The following GPBP1L1 variants were observed in gnomAD, a reference collection of about 807,000 sequenced individuals.
GPBP1L1 encodes the protein GC-rich promoter binding protein 1 like 1.
In GPBP1L1, 23 loss-of-function variants were observed where a neutral mutation model predicts 52.5. The observed-to-expected ratio is 0.44, with a 90% CI of 0.32 to 0.62. The LOEUF (loss-of-function observed/expected upper bound fraction) is 0.62. GPBP1L1 is among the 20% of genes least tolerant of loss of function. The pLI is 0.06. For missense variants in GPBP1L1, 596 were observed against 579.3 expected (o/e 1.03, Z -0.30); for synonymous variants, 243 against 203.1 (o/e 1.20, Z -1.67).
rs201166786 is a variant in GPBP1L1 at position 45,654,668 on chromosome 1, G to A, written c.352C>T (p.Arg118Cys). The A allele has an allele frequency of 6.8e-6, 11 of 1,614,024 alleles. No homozygotes were observed. Among genetic ancestry groups the A allele is most frequent in the African/African-American group, 5.3e-5 (4 of 74,898 alleles). The change falls in exon 6 of 13, where the codon CGC (arginine) becomes TGC (cysteine). Residue 118 changes from arginine (R) to cysteine (C), a missense_variant. By Grantham distance (180) the Arg-to-Cys change is radical. Transcript: ENST00000355105. ...QRSGGGTGNH[R>C]HWNGSFHSRK... The stretch of plus-strand genomic sequence containing the variant: ...GAGTGGAAGCTGCCATTCCAATGGC[G>A]ATGGTTCCCTGTGCCACCTCCACTA...
At chr1:45,680,558 T>TAA in intron 2 of GPBP1L1, among the ~76,000 whole-genome samples, 2 of 151,600 alleles carry the variant, frequency 1.3e-5, no homozygotes, top group South Asian at 2.1e-4. Context: ...TTTTTTTTTT[T>TAA]AAAAAGAATC....
chr1:45,682,599 A>G (rs1645224299), intron 2 of GPBP1L1, among the ~76,000 whole-genome samples: 1 of 152,224 alleles, frequency 6.6e-6, no homozygotes, highest in Admixed American at 6.5e-5. Context: ...ATGGTCATCT[A>G]GATACTCCCA....
intron 2 of GPBP1L1, among the ~76,000 whole-genome samples, chr1:45,683,888 C>A (rs1645244296): frequency 6.6e-6 from 1 of 151,976 alleles, no homozygotes. Flanking sequence ...TGCCACCGCA[C>A]TCCAATCTGG....
chr1:45,647,080 T>C (rs11211151), intron 6 of GPBP1L1, among the ~76,000 whole-genome samples: 42,985 of 151,010 alleles, frequency 0.28, 6,271 homozygotes, highest in South Asian at 0.37. Context: ...TTTCTGAAAT[T>C]TTTTATTATT....
Position 45,633,489 on chromosome 1 carries a change from A to G in GPBP1L1, c.1044T>C (p.Asp348=). 1 of 1,613,672 alleles carries G rather than the reference A, an allele frequency of 6.2e-7. No homozygotes were observed. Among genetic ancestry groups the G allele is most frequent in the Non-Finnish European group, 8.5e-7 (1 of 1,179,896 alleles). ...CCCCAGAAAAGGCGGATGCTCTTACATCTTCCAGCTTGTCACAGTCTCTAT... is the reference window on the plus strand; with the variant it reads ...CCCCAGAAAAGGCGGATGCTCTTACGTCTTCCAGCTTGTCACAGTCTCTAT... ...SENRDCDKLE[D]LEDNSTPEPK... The change falls in exon 10 of 13, where the codon GAT becomes GAC. Residue 348 remains aspartate, a splice_region_variant and synonymous_variant. Transcript: ENST00000355105.
chr1:45,668,348 T>C (rs984324703), intron 2 of GPBP1L1, among the ~76,000 whole-genome samples: 11 of 152,194 alleles, frequency 7.2e-5, no homozygotes, highest in Admixed American at 2.0e-4. Flanking sequence ...TAAATTAAAT[T>C]GCACACTTAA....
At chr1:45,651,138 G>GT (rs1644814437) in intron 6 of GPBP1L1, 1 of 500,116 alleles carries the variant, frequency 2.0e-6, no homozygotes, top group Admixed American at 2.1e-5. Context: ...AGATCTCATC[G>GT]TATCTGTCAT....
intron 6 of GPBP1L1, among the ~76,000 whole-genome samples, chr1:45,653,958 C>T (rs1644852320): frequency 6.6e-6 from 1 of 151,954 alleles, no homozygotes; most frequent in African/African-American, 2.4e-5. Context: ...CTCGGCTTCC[C>T]AAAGTGCTCA....
intron 8 of GPBP1L1, 110 bp from the exon 9 acceptor site, chr1:45,634,346 G>A: frequency 9.0e-7 from 1 of 1,111,006 alleles, no homozygotes; most frequent in Non-Finnish European, 1.2e-6. Flanking sequence ...TAAGTTTCCA[G>A]GGCTTACCTG....
intron 4 of GPBP1L1, chr1:45,656,078 G>C (rs1644881376): frequency 6.6e-6 from 1 of 152,028 alleles, no homozygotes; most frequent in Non-Finnish European, 1.5e-5. Context: ...AACTACTAGA[G>C]TTTTTACAGT....
chr1:45,630,072 T>A (rs1644510739), intron 11 of GPBP1L1, among the ~76,000 whole-genome samples: 1 of 151,688 alleles, frequency 6.6e-6, no homozygotes, highest in Admixed American at 6.6e-5. Flanking sequence ...CGTCCCAGCC[T>A]CCCTAGTAGC....
At chr1:45,666,890 T>C (rs188987450) in intron 2 of GPBP1L1, among the ~76,000 whole-genome samples, 73 of 152,302 alleles carry the variant, frequency 4.8e-4, no homozygotes, top group African/African-American at 1.6e-3. Flanking sequence ...AGTACTGATA[T>C]AAGCTACAAC....
rs529575558 is a variant in GPBP1L1, at chr1:45,669,029, T to G, written c.-1097-7804A>C. ...TTCTCCATCTGTCATTGATACACCA[T>G]TTTAATTCTGTCAAAAGCATAATTT... On this transcript the variant is annotated intron_variant, in intron 2 of 12. Coordinates refer to ENST00000355105, the MANE Select transcript of GPBP1L1 (RefSeq NM_021639.5). Among the ~76,000 whole-genome samples the G allele has an allele frequency of 5.9e-5, 9 of 152,342 alleles. No individual in the cohort carries two copies. The South Asian group carries it at 1.9e-3, about 32-fold the overall frequency.
intron 2 of GPBP1L1, among the ~76,000 whole-genome samples, chr1:45,664,091 G>A (rs1398401857): frequency 6.6e-6 from 1 of 152,086 alleles, no homozygotes; most frequent in African/African-American, 2.4e-5. Flanking sequence ...CCAGCACTTT[G>A]GGAGGCCGAG....
At chr1:45,658,823 G>GTA (rs1302919922) in intron 4 of GPBP1L1, 2 of 538,846 alleles carry the variant, frequency 3.7e-6, no homozygotes, top group African/African-American at 3.9e-5. Context: ...CAGCCTGTAG[G>GTA]CCCAGCTACT....
intron 12 of GPBP1L1, among the ~76,000 whole-genome samples, chr1:45,629,188 CT>C (rs1342136854): frequency 1.3e-5 from 2 of 152,212 alleles, no homozygotes; most frequent in Admixed American, 6.5e-5. Flanking sequence ...TATTTAGCTT[CT>C]TAGCTCTGGC....
intron 2 of GPBP1L1, among the ~76,000 whole-genome samples, chr1:45,678,255 C>G (rs1337119975): frequency 6.6e-6 from 1 of 152,190 alleles, no homozygotes; most frequent in African/African-American, 2.4e-5. Context: ...CTAAAAACCA[C>G]TAAATCGAAC....
chr1:45,628,180 A>G lies in GPBP1L1; in HGVS notation c.*76T>C. On this transcript the variant is annotated 3_prime_UTR_variant, in exon 13 of 13. Coordinates refer to ENST00000355105, the MANE Select transcript of GPBP1L1 (RefSeq NM_021639.5). ...GTATTCAACAACATAAGAAAAGGAA[A>G]AGAACGATTTCTTTTGTATACTCCC... The G allele has an allele frequency of 2.2e-6, 3 of 1,370,052 alleles. No individual in the cohort carries two copies. Among genetic ancestry groups the G allele is most frequent in the Non-Finnish European group, 3.1e-6 (3 of 982,088 alleles). 84.9% of individuals were successfully genotyped at this position (1,370,052 alleles called of 1,614,324 possible). A position where few individuals can be genotyped will look rare whatever the true frequency, so the allele number is the denominator to read the frequency against.
At chr1:45,643,514 G>T (rs1248937654) in intron 6 of GPBP1L1, among the ~76,000 whole-genome samples, 2 of 152,066 alleles carry the variant, frequency 1.3e-5, no homozygotes, top group Non-Finnish European at 2.9e-5. Context: ...GTCCGGGAGG[G>T]TAATAAAGGT....
Sources: gnomAD v4.1 joint callset for allele counts (sites outside exome capture counted in the v4.1 genomes callset) on GRCh38, gnomAD v4.1.1 for gene constraint, MANE v1.5 for transcripts, NCBI Gene and HGNC (gene_info 2026-07-23, HGNC 2026-07-21) for gene names.